The following NSD3 variants were observed in gnomAD, a reference collection of about 807,000 sequenced individuals.
NSD3 encodes histone-lysine N-methyltransferase NSD3.
In NSD3, 24 loss-of-function variants were observed where a neutral mutation model predicts 160.8. The ratio of observed to expected loss-of-function variants is 0.15; its 90% CI spans 0.11 to 0.21. The LOEUF is 0.21. NSD3 is among the 10% of genes least tolerant of loss of function. The pLI, the probability that NSD3 is intolerant of heterozygous loss-of-function variation, is 1.00. For missense variants in NSD3, 1,157 were observed against 1,735.9 expected, an observed-to-expected ratio of 0.67 and a Z score of 5.93; for synonymous variants, 520 against 600.0, an observed-to-expected ratio of 0.87 and a Z score of 1.95.
intron 1 of NSD3, among the ~76,000 whole-genome samples, chr8:38,379,085 T>C (rs1811474244): frequency 6.6e-6 from 1 of 151,896 alleles, no homozygotes; most frequent in African/African-American, 2.4e-5. Flanking sequence ...ACGGCATTTG[T>C]TAATTTAAGG....
chr8:38,381,746 GCACACACA>G lies in NSD3; in HGVS notation c.-45+45_-45+52del, dbSNP rs58263746. On this transcript the variant is annotated intron_variant, in intron 1 of 23. Coordinates refer to ENST00000317025, the MANE Select transcript of NSD3 (RefSeq NM_023034.2). ...CCTAGCACTACACACGCGCGCGCGC[GCACACACA>G]CACACACACACACACACACATACAC... is the stretch of plus-strand genomic sequence containing the variant. The G allele has an allele frequency of 1.7e-3, 241 of 144,918 alleles. 1 individual carries two copies. Among genetic ancestry groups the G allele is most frequent in the South Asian group, 5.0e-3 (22 of 4,422 alleles). 9.0% of individuals were successfully genotyped at this position (144,918 alleles called of 1,614,324 possible).
In NSD3 at chr8:38,316,964, G is replaced by A. The variant is rs994180602; in HGVS notation, c.1856-922C>T. On this transcript the variant is annotated intron_variant, in intron 9 of 23. Transcript: ENST00000317025. This position sits in a 1 kb window ranked among gnomAD's most constrained non-coding sequence, Gnocchi z 4.5. The stretch of plus-strand genomic sequence containing the variant: ...GGCACGGTGAATACCAAGGAACCAA[G>A]GAGACGGTTAATATTTCAACCCACA... 11 of 1,060,684 alleles carry A rather than the reference G, an allele frequency of 1.0e-5. No individual in the cohort carries two copies. The African/African-American group carries it at 1.8e-4, about 17-fold the overall frequency. The allele number at this position is 1,060,684 out of a possible 1,614,324, so 65.7% of individuals were successfully genotyped here.
chr8:38,284,058 G>A (rs1183268322), intron 19 of NSD3, among the ~76,000 whole-genome samples: 1 of 152,094 alleles, frequency 6.6e-6, no homozygotes, highest in Non-Finnish European at 1.5e-5. Context: ...AGCTGTGACT[G>A]TACCACTGCA....
At chr8:38,289,703 C>A (rs1808953731) in intron 17 of NSD3, among the ~76,000 whole-genome samples, 198 bp from the exon 18 acceptor site, 1 of 152,204 alleles carries the variant, frequency 6.6e-6, no homozygotes, top group African/African-American at 2.4e-5. Flanking sequence ...ACACTATGCT[C>A]TGTGCATGCT....
At chr8:38,323,189 G>T (rs1414739618) in intron 7 of NSD3, among the ~76,000 whole-genome samples, 1 of 152,088 alleles carries the variant, frequency 6.6e-6, no homozygotes, top group African/African-American at 2.4e-5. Flanking sequence ...TGAGTAGCTG[G>T]GATTACAGGC....
In NSD3 at chr8:38,274,886, G is replaced by A. The variant is rs117250303; in HGVS notation, c.*755C>T. ...CAAACCATCCATGTCAATGGAAAACGTTTTAAAAATCAGTGAGCACATCCA... is the reference window on the plus strand; with the variant it reads ...CAAACCATCCATGTCAATGGAAAACATTTTAAAAATCAGTGAGCACATCCA... On this transcript the variant is annotated 3_prime_UTR_variant, in exon 24 of 24. Coordinates refer to ENST00000317025, the MANE Select transcript of NSD3 (RefSeq NM_023034.2). 5.4e-4 allele frequency: 100 copies of A among 184,026 alleles called. 1 individual carries two copies. In the East Asian group the frequency reaches 8.8e-3, roughly 16 times the overall value. 11.4% of individuals were successfully genotyped at this position (184,026 alleles called of 1,614,324 possible). A position where few individuals can be genotyped will look rare whatever the true frequency, so the allele number is the denominator to read the frequency against.
At position 38,275,398 on chromosome 8, in the gene NSD3, A is replaced by G; in HGVS notation, c.*243T>C. On this transcript the variant is annotated 3_prime_UTR_variant, in exon 24 of 24. Transcript: ENST00000317025. ...TTTCAAGCTGCAATGGCACTGAAGC[A>G]CAATAAAAGGCAAGAAAAGACCAAG... 2.2e-6 allele frequency: 1 copy of G among 452,998 alleles called. No homozygotes were observed. The highest frequency in any genetic ancestry group is 3.9e-6 in the Non-Finnish European group (1 of 255,444). The allele number at this position is 452,998 out of a possible 1,614,324, so 28.1% of individuals were successfully genotyped here.
chr8:38,364,754 T>C (rs895082501), intron 1 of NSD3, among the ~76,000 whole-genome samples: 3 of 152,210 alleles, frequency 2.0e-5, no homozygotes, highest in Non-Finnish European at 4.4e-5. Flanking sequence ...AGCACTATAG[T>C]AAGAATCATT....
chr8:38,309,812 TTAAA>T (rs1359391009), intron 12 of NSD3, among the ~76,000 whole-genome samples: 1 of 152,216 alleles, frequency 6.6e-6, no homozygotes, highest in African/African-American at 2.4e-5. Context: ...CACGTTTGAC[TTAAA>T]TAATAGAAAG....
chr8:38,342,882 A>G (rs1254908752), intron 2 of NSD3, among the ~76,000 whole-genome samples: 1 of 151,992 alleles, frequency 6.6e-6, no homozygotes, highest in East Asian at 1.9e-4. Flanking sequence ...TTAAAACCCA[A>G]GACATTCATT....
At chr8:38,341,537 CAAA>C (rs1311737092) in intron 2 of NSD3, among the ~76,000 whole-genome samples, 5 of 68,850 alleles carry the variant, frequency 7.3e-5, no homozygotes, top group Admixed American at 1.7e-4. Context: ...GACTCCGTCT[CAAA>C]AAAAAAAAAA....
chr8:38,318,811 G>T lies in NSD3; in HGVS notation c.1855+84C>A. On this transcript the variant is annotated intron_variant, in intron 9 of 23. Transcript: ENST00000317025. This position sits in a 1 kb window ranked among gnomAD's most constrained non-coding sequence, Gnocchi z 5.3. ...AGAGCAACAACGATTTACAGAGACA[G>T]ACAAAAATACATGAAGTACAAATAA... is the stretch of plus-strand genomic sequence containing the variant. 7.4e-7 allele frequency: 1 copy of T among 1,347,718 alleles called. No homozygotes were observed. The highest frequency in any genetic ancestry group is 1.1e-6 in the Non-Finnish European group (1 of 948,236). The allele number at this position is 1,347,718 out of a possible 1,614,324, so 83.5% of individuals were successfully genotyped here. A position where few individuals can be genotyped will look rare whatever the true frequency, so the allele number is the denominator to read the frequency against.
chr8:38,329,776 T>G lies in NSD3; in HGVS notation c.1183A>C (p.Ile395Leu). 3.7e-6 allele frequency: 6 copies of G among 1,614,244 alleles called. No individual in the cohort carries two copies. The highest frequency in any genetic ancestry group is 5.1e-6 in the Non-Finnish European group (6 of 1,180,044). Residue 395 changes from isoleucine to leucine, a missense_variant, in exon 6 of 24, where the codon ATT becomes CTT. Around this residue, in one of 10 missense-constraint regions of NSD3, gnomAD observed 168 missense variants for 208.1 expected, o/e 0.81. Transcript: ENST00000317025. This position sits in a 1 kb window ranked among gnomAD's most constrained non-coding sequence, Gnocchi z 4.8. ...AAAGCCTCTTCAGGCTGTTTATCAA[T>G]GTAAATAAAAGTATACTGTTCTATT... ...ERIEQYTFIYIDKQPEEALSQ... is the reference protein window; with the variant it reads ...ERIEQYTFIYLDKQPEEALSQ...
Position 38,306,467 on chromosome 8 carries a change from T to G in NSD3, c.2243-1022A>C, listed in dbSNP as rs181612429. On this transcript the variant is annotated intron_variant, in intron 12 of 23. Transcript: ENST00000317025. ...TGGCTCCACTGGTGAATATGTCCAA[T>G]GTTCAAGGAGGAAAATAATGCCAAA... is the stretch of plus-strand genomic sequence containing the variant. Among the ~76,000 whole-genome samples the G allele has an allele frequency of 1.6e-3, 245 of 152,010 alleles. 2 individuals are homozygous for G. Among genetic ancestry groups the G allele is most frequent in the African/African-American group, 5.5e-3 (230 of 41,476 alleles).
intron 4 of NSD3, among the ~76,000 whole-genome samples, chr8:38,335,749 A>G (rs1434880820): frequency 1.3e-5 from 2 of 152,224 alleles, no homozygotes; most frequent in African/African-American, 4.8e-5. Flanking sequence ...AATATAAGGC[A>G]GTGTTTAGGA....
In NSD3 at chr8:38,279,614, T is replaced by C; in HGVS notation, c.3686A>G (p.Asn1229Ser). 6.2e-7 allele frequency: 1 copy of C among 1,614,130 alleles called. No individual in the cohort carries two copies. Among genetic ancestry groups the C allele is most frequent in the Non-Finnish European group, 8.5e-7 (1 of 1,179,992 alleles). Residue 1229 changes from asparagine (N) to serine (S), a missense_variant, in exon 21 of 24, where the codon AAC becomes AGC. This residue lies in a region of NSD3 where 222 missense variants were observed against 409.9 expected (regional missense o/e 0.54). Coordinates refer to ENST00000317025, the MANE Select transcript of NSD3 (RefSeq NM_023034.2). ...CACTGTCCACTTTTGTGTTTCACAG[T>C]TGGGATTACAACTGTGGTTCATGAA... ...SRFMNHSCNP[N>S]CETQKWTVNG...
intron 1 of NSD3, among the ~76,000 whole-genome samples, chr8:38,367,546 T>C (rs1020657129): frequency 9.9e-5 from 15 of 152,040 alleles, no homozygotes; most frequent in African/African-American, 3.6e-4. Flanking sequence ...ACCTTGTCTC[T>C]ACCAAAAATA....
chr8:38,291,823 G>A (rs1291381346), intron 16 of NSD3, among the ~76,000 whole-genome samples: 3 of 152,142 alleles, frequency 2.0e-5, no homozygotes, highest in Admixed American at 6.5e-5. Context: ...CCCCCAAGAA[G>A]CAACACATTG....
chr8:38,317,198 C>T lies in NSD3; in HGVS notation c.1856-1156G>A. 1 of 1,063,000 alleles carries T rather than the reference C, an allele frequency of 9.4e-7. No individual in the cohort carries two copies. Among genetic ancestry groups the T allele is most frequent in the South Asian group, 4.6e-5 (1 of 21,968 alleles). The allele number at this position is 1,063,000 out of a possible 1,614,324, so 65.8% of individuals were successfully genotyped here. ...GGTGGAGGAGGTGGGCCTCGTTAGA[C>T]TGCTCAGATTACTGGAACCTCGTTA... On this transcript the variant is annotated intron_variant, in intron 9 of 23. Transcript: ENST00000317025. This position sits in a 1 kb window ranked among gnomAD's most constrained non-coding sequence, Gnocchi z 5.3.
Sources: allele counts gnomAD v4.1 joint callset (sites outside exome capture counted in the v4.1 genomes callset), GRCh38; gene constraint gnomAD v4.1.1; regional missense constraint gnomAD v4.1.1; non-coding constraint Gnocchi (gnomAD v3.1); transcripts MANE v1.5; gene names NCBI Gene and HGNC (gene_info 2026-07-23, HGNC 2026-07-21).